GRIK2: variants seen among roughly 807,000 people sequenced by gnomAD.
GRIK2 encodes the protein glutamate ionotropic receptor kainate type subunit 2.
A neutral mutation model predicts 100.3 loss-of-function variants in GRIK2; 32 were observed. That is an observed-to-expected ratio of 0.32 (90% confidence interval 0.24 to 0.43). The LOEUF (loss-of-function observed/expected upper bound fraction) is 0.43. Among genes scored for constraint, GRIK2 ranks in the 20% least tolerant of loss-of-function variants. The pLI is 1.00. For synonymous variants in GRIK2, 417 were observed against 389.4 expected (o/e 1.07, Z -0.83); for missense variants, 843 against 1,114.9 (o/e 0.76, Z 3.47).
At chr6:101,573,831 A>G (rs1777668768) in intron 2 of GRIK2, among the ~76,000 whole-genome samples, 1 of 152,106 alleles carries the variant, frequency 6.6e-6, no homozygotes, top group Non-Finnish European at 1.5e-5. Flanking sequence ...CTACAACAAA[A>G]GTGACAACAA....
At chr6:101,758,836 A>G (rs1356857025) in intron 7 of GRIK2, among the ~76,000 whole-genome samples, 1 of 152,194 alleles carries the variant, frequency 6.6e-6, no homozygotes, top group East Asian at 1.9e-4. Context: ...ATTGTCTTAC[A>G]TAGGAAAGCT....
chr6:101,445,789 C>T (rs1770340726), intron 2 of GRIK2, among the ~76,000 whole-genome samples: 1 of 152,042 alleles, frequency 6.6e-6, no homozygotes, highest in Admixed American at 6.6e-5. Flanking sequence ...TAATGTGGTC[C>T]AGGATTTTTC....
intron 11 of GRIK2, among the ~76,000 whole-genome samples, chr6:101,881,491 A>G (rs1399994429): frequency 6.6e-6 from 1 of 151,918 alleles, no homozygotes; most frequent in Non-Finnish European, 1.5e-5. Context: ...GAAATAATAC[A>G]TATTTGGAGT....
At chr6:101,983,701 C>T (rs543838571) in intron 14 of GRIK2, among the ~76,000 whole-genome samples, 122 of 151,818 alleles carry the variant, frequency 8.0e-4, no homozygotes, top group African/African-American at 2.8e-3. Context: ...TTTAACTTTT[C>T]TCACCTGAAA....
intron 12 of GRIK2, among the ~76,000 whole-genome samples, chr6:101,906,793 T>C (rs772033550): frequency 6.6e-5 from 10 of 151,828 alleles, no homozygotes; most frequent in Admixed American, 1.3e-4. Context: ...TAACCACCTG[T>C]TGTCTACCTG....
chr6:101,718,143 G>A (rs1369754985), intron 7 of GRIK2, among the ~76,000 whole-genome samples: 1 of 151,542 alleles, frequency 6.6e-6, no homozygotes, highest in East Asian at 1.9e-4. Flanking sequence ...GAAAACTGAT[G>A]CTAATTGAAT....
At chr6:102,056,010 G>C (rs1375438667) in intron 16 of GRIK2, among the ~76,000 whole-genome samples, 2 of 151,748 alleles carry the variant, frequency 1.3e-5, no homozygotes, top group Non-Finnish European at 2.9e-5. Flanking sequence ...TTTCAAGTTA[G>C]AGAGTAAGTT....
intron 2 of GRIK2, among the ~76,000 whole-genome samples, chr6:101,504,237 T>C (rs1773910700): frequency 6.6e-6 from 1 of 152,132 alleles, no homozygotes; most frequent in Admixed American, 6.6e-5. Context: ...TAAAATCGTA[T>C]GTTTAAACAG....
At chr6:101,853,104 C>T (rs2518199) in intron 10 of GRIK2, among the ~76,000 whole-genome samples, 145,514 of 152,266 alleles carry the variant, frequency 0.96, 69,568 homozygotes, top group African/African-American at 0.98. Context: ...CCAACATATA[C>T]GGTTTTCTCC....
At chr6:101,808,806 G>A (rs1416285886) in intron 9 of GRIK2, among the ~76,000 whole-genome samples, 1 of 151,744 alleles carries the variant, frequency 6.6e-6, no homozygotes, top group Non-Finnish European at 1.5e-5. Context: ...GACAGAAATA[G>A]TGCTGAGGGA....
chr6:101,642,425 C>G (rs950626530), intron 4 of GRIK2, among the ~76,000 whole-genome samples: 4 of 151,720 alleles, frequency 2.6e-5, no homozygotes, highest in African/African-American at 7.2e-5. Context: ...CCAGAAACCA[C>G]CATTCTACTT....
At chr6:101,905,491 A>T (rs190128506) in intron 12 of GRIK2, among the ~76,000 whole-genome samples, 2 of 151,742 alleles carry the variant, frequency 1.3e-5, no homozygotes, top group African/African-American at 2.4e-5. Flanking sequence ...TCTTAAAGTT[A>T]GTAAAGTTAT....
At chr6:101,955,053 T>G (rs1030231179) in intron 14 of GRIK2, among the ~76,000 whole-genome samples, 4 of 152,172 alleles carry the variant, frequency 2.6e-5, no homozygotes, top group African/African-American at 9.7e-5. Flanking sequence ...TAAATCCCAC[T>G]TGGTCTTGGT....
At chr6:101,984,581 C>T (rs1793906150) in intron 14 of GRIK2, among the ~76,000 whole-genome samples, 1 of 144,692 alleles carries the variant, frequency 6.9e-6, no homozygotes, top group South Asian at 2.3e-4. Context: ...ATCAGATATA[C>T]TTGTGGTTTA....
chr6:101,488,275 A>G (rs1772930172), intron 2 of GRIK2, among the ~76,000 whole-genome samples: 1 of 146,872 alleles, frequency 6.8e-6, no homozygotes, highest in Admixed American at 6.8e-5. Context: ...TAGTAGAAGT[A>G]TAACTTCCAT....
intron 15 of GRIK2, among the ~76,000 whole-genome samples, chr6:102,045,219 A>AAAT (rs1458175908): frequency 2.6e-5 from 4 of 152,082 alleles, no homozygotes; most frequent in African/African-American, 9.7e-5. Context: ...AAGTTTTTAC[A>AAAT]AATAAACAAG....
At chr6:101,701,775 A>C (rs1772914551) in intron 7 of GRIK2, among the ~76,000 whole-genome samples, 1 of 152,056 alleles carries the variant, frequency 6.6e-6, no homozygotes, top group Non-Finnish European at 1.5e-5. Flanking sequence ...ATTTACTATT[A>C]CATAGATATT....
In GRIK2 at chr6:101,713,322, AAGGACTTGTTAAAC is replaced by A. The variant is rs1225434273; in HGVS notation, c.951+26972_951+26985del. On this transcript the variant is annotated intron_variant, in intron 7 of 16. Transcript: ENST00000369134. ...TAACTCATGTGAATTCGGTTTCCTT[AAGGACTTGTTAAAC>A]AGTACTATGGCTTTCTTGGTCATCC... is the stretch of plus-strand genomic sequence containing the variant. Among the ~76,000 whole-genome samples, 55 of 151,762 alleles carry A rather than the reference AAGGACTTGTTAAAC, an allele frequency of 3.6e-4. 1 individual carries two copies. Among genetic ancestry groups the A allele is most frequent in the African/African-American group, 1.3e-3 (54 of 41,368 alleles).
chr6:101,555,352 T>C (rs567924194), intron 2 of GRIK2, among the ~76,000 whole-genome samples: 2 of 152,282 alleles, frequency 1.3e-5, no homozygotes, highest in South Asian at 4.1e-4. Context: ...TAGTGGACCT[T>C]ATCCCCTTAT....
Sources: allele counts gnomAD v4.1 joint callset (sites outside exome capture counted in the v4.1 genomes callset), GRCh38; gene constraint gnomAD v4.1.1; transcripts MANE v1.5; gene names NCBI Gene and HGNC (gene_info 2026-07-23, HGNC 2026-07-21).